The following PBX1 variants were observed in gnomAD, a reference collection of about 807,000 sequenced individuals.
PBX1 encodes the protein PBX homeobox 1.
PBX1 carries 6 observed loss-of-function variants against 53.4 expected under a neutral mutation model. The observed-to-expected ratio is 0.11, with a 90% CI of 0.06 to 0.22. The LOEUF (loss-of-function observed/expected upper bound fraction) is 0.22. Among genes scored for constraint, PBX1 ranks in the 10% least tolerant of loss-of-function variants. The pLI is 1.00. For missense variants in PBX1, 251 were observed against 551.4 expected (o/e 0.46, Z 5.46); for synonymous variants, 204 against 212.3 (o/e 0.96, Z 0.34).
intron 2 of PBX1, among the ~76,000 whole-genome samples, chr1:164,615,023 C>T (rs998693117): frequency 4.6e-5 from 7 of 152,198 alleles, no homozygotes; most frequent in African/African-American, 1.7e-4. Context: ...GATCTGCCCA[C>T]TTCGGCCTCC....
chr1:164,807,797 C>A, intron 5 of PBX1, 120 bp downstream of exon 5: 1 of 1,162,052 alleles, frequency 8.6e-7, no homozygotes, highest in Non-Finnish European at 1.2e-6. Flanking sequence ...CAGCTATAGC[C>A]TTAAAATATC....
intron 2 of PBX1, among the ~76,000 whole-genome samples, chr1:164,588,950 A>G (rs930484426): frequency 1.8e-4 from 28 of 151,938 alleles, no homozygotes; most frequent in Admixed American, 6.6e-5. Flanking sequence ...TTGAGGCTCC[A>G]GCGGCGAGAA....
chr1:164,643,796 A>T (rs1659293319), intron 2 of PBX1, among the ~76,000 whole-genome samples: 2 of 152,196 alleles, frequency 1.3e-5, no homozygotes, highest in Admixed American at 1.3e-4. Context: ...TCATGTCCAA[A>T]ATTATGTAAC....
intron 2 of PBX1, among the ~76,000 whole-genome samples, chr1:164,727,438 A>G (rs758548317): frequency 6.6e-6 from 1 of 152,250 alleles, no homozygotes; most frequent in African/African-American, 2.4e-5. Context: ...GTACTAACAT[A>G]GTTTAGAAAG....
intron 2 of PBX1, among the ~76,000 whole-genome samples, chr1:164,670,569 T>C (rs77872235): frequency 0.03 from 4,613 of 152,200 alleles, 105 homozygotes; most frequent in South Asian, 0.056. Context: ...ACTGAAGGCC[T>C]GTGGGGTCAG....
intron 2 of PBX1, among the ~76,000 whole-genome samples, chr1:164,647,503 C>T (rs1659528822): frequency 6.6e-6 from 1 of 152,098 alleles, no homozygotes; most frequent in Non-Finnish European, 1.5e-5. Flanking sequence ...CCTAGTTGAC[C>T]CCCTGGGCCC....
chr1:164,652,710 G>A (rs1659904490), intron 2 of PBX1, among the ~76,000 whole-genome samples: 2 of 152,048 alleles, frequency 1.3e-5, no homozygotes, highest in African/African-American at 4.8e-5. Flanking sequence ...TTTATATACA[G>A]CAAAATAGTT....
chr1:164,581,695 T>G (rs1654628538), intron 2 of PBX1, among the ~76,000 whole-genome samples: 2 of 152,226 alleles, frequency 1.3e-5, no homozygotes, highest in Non-Finnish European at 2.9e-5. Context: ...CATTTCATGT[T>G]AAAACTTACT....
chr1:164,664,288 G>C (rs1256069250), intron 2 of PBX1, among the ~76,000 whole-genome samples: 1 of 152,202 alleles, frequency 6.6e-6, no homozygotes, highest in Non-Finnish European at 1.5e-5. Context: ...AGGTTATGTG[G>C]CTTCCTCTGT....
intron 2 of PBX1, among the ~76,000 whole-genome samples, chr1:164,707,394 G>GGT (rs3830328): frequency 0.052 from 5,372 of 103,236 alleles, 414 homozygotes; most frequent in African/African-American, 0.16. Flanking sequence ...ACACCACTGA[G>GGT]GTGTGTGTGT....
At chr1:164,801,257 C>G (rs1669054164) in intron 4 of PBX1, among the ~76,000 whole-genome samples, 1 of 152,120 alleles carries the variant, frequency 6.6e-6, no homozygotes, top group South Asian at 2.1e-4. Flanking sequence ...CTGTGCCTCT[C>G]CCTCACCCGT....
intron 2 of PBX1, among the ~76,000 whole-genome samples, chr1:164,705,340 T>TA (rs1186237595): frequency 1.3e-5 from 2 of 152,206 alleles, no homozygotes; most frequent in Non-Finnish European, 2.9e-5. Context: ...AATTAAAAAA[T>TA]ATATTGTTAC....
chr1:164,710,206 CAAA>C (rs1448038334), intron 2 of PBX1, among the ~76,000 whole-genome samples: 2 of 152,192 alleles, frequency 1.3e-5, no homozygotes, highest in East Asian at 1.9e-4. Flanking sequence ...AAACTGATGT[CAAA>C]AGAAGAGGGA....
intron 2 of PBX1, among the ~76,000 whole-genome samples, chr1:164,721,675 T>G (rs527546482): frequency 1.3e-5 from 2 of 152,312 alleles, no homozygotes; most frequent in East Asian, 3.9e-4. Flanking sequence ...TCCACAGGTA[T>G]GAATACTGAA....
intron 2 of PBX1, among the ~76,000 whole-genome samples, chr1:164,626,266 C>T (rs1658036781): frequency 6.6e-6 from 1 of 152,192 alleles, no homozygotes; most frequent in Admixed American, 6.5e-5. Flanking sequence ...GAAAACCTCT[C>T]TCAGGATAAC....
At chr1:164,783,756 AAC>A (rs1668040077) in intron 2 of PBX1, among the ~76,000 whole-genome samples, 1 of 152,076 alleles carries the variant, frequency 6.6e-6, no homozygotes, top group South Asian at 2.1e-4. Flanking sequence ...CTGTGGCACT[AAC>A]AGAAGAAAGC....
intron 4 of PBX1, among the ~76,000 whole-genome samples, chr1:164,805,071 T>C (rs550068556): frequency 7.9e-5 from 12 of 152,248 alleles, no homozygotes; most frequent in African/African-American, 2.9e-4. Flanking sequence ...TCATGAGTCT[T>C]TTATAAAAAA....
intron 2 of PBX1, among the ~76,000 whole-genome samples, chr1:164,786,598 A>G (rs956972794): frequency 6.6e-6 from 1 of 152,154 alleles, no homozygotes; most frequent in African/African-American, 2.4e-5. Flanking sequence ...GGAAATCAAT[A>G]GAAAAAACTT....
At chr1:164,731,549 G>A (rs1249439724) in intron 2 of PBX1, among the ~76,000 whole-genome samples, 1 of 152,154 alleles carries the variant, frequency 6.6e-6, no homozygotes, top group African/African-American at 2.4e-5. Context: ...GCCGTTGAAA[G>A]GGTTACTGGG....
Sources: allele counts gnomAD v4.1 joint callset (sites outside exome capture counted in the v4.1 genomes callset), GRCh38; gene constraint gnomAD v4.1.1; transcripts MANE v1.5; gene names NCBI Gene and HGNC (gene_info 2026-07-23, HGNC 2026-07-21).